PPIE: variants seen among roughly 807,000 people sequenced by gnomAD.
The protein encoded by PPIE is peptidyl-prolyl cis-trans isomerase E.
A neutral mutation model predicts 38.4 loss-of-function variants in PPIE; 20 were observed. The ratio of observed to expected loss-of-function variants is 0.52; its 90% CI spans 0.37 to 0.76. PPIE has a LOEUF of 0.76. PPIE is among the 30% of genes least tolerant of loss of function. PPIE has a pLI of 0.00. For synonymous variants in PPIE, 142 were observed against 135.7 expected, an observed-to-expected ratio of 1.05 and a Z score of -0.32; for missense variants, 322 against 385.8, an observed-to-expected ratio of 0.83 and a Z score of 1.39.
chr1:39,753,341 G>T lies in PPIE; in HGVS notation c.892G>T (p.Gly298Trp), dbSNP rs778524374. Residue 298 changes from glycine (G) to tryptophan (W), a missense_variant, in exon 10 of 10, where the codon GGG becomes TGG. Physicochemically the swap from Gly to Trp is radical, Grantham distance 184. Transcript: ENST00000324379. The stretch of plus-strand genomic sequence containing the variant: ...GCAGAAGGTGATCATCGCCGACTGT[G>T]GGGAGTACGTGTGAGGCGGCACTCT... ...PKQKVIIADC[G>W]EYV 6.2e-7 allele frequency: 1 copy of T among 1,614,152 alleles called. No homozygotes were observed. Among genetic ancestry groups the T allele is most frequent in the South Asian group, 1.1e-5 (1 of 91,078 alleles).
In PPIE at chr1:39,763,390, TC is replaced by T. The variant is rs373720672; in HGVS notation, c.838-295del. On this transcript the variant is annotated intron_variant, in intron 9 of 9. Transcript: ENST00000356511. ...CCCCATATCTTCACTTTGCGTCCCC[TC>T]CCCAGCCGGCCCTCCCCTGCCCACG... is the stretch of plus-strand genomic sequence containing the variant. Among the ~76,000 whole-genome samples, 4 of 144,556 alleles carry T rather than the reference TC, an allele frequency of 2.8e-5. No homozygotes were observed. The East Asian group carries it at 8.0e-4, about 29-fold the overall frequency. The allele number at this position is 144,556 out of a possible 152,430, so 94.8% of individuals were successfully genotyped here. A position where few individuals can be genotyped will look rare whatever the true frequency, so the allele number is the denominator to read the frequency against.
At position 39,756,504 on chromosome 1, in the gene PPIE, G is replaced by A. The variant is rs565433728; in HGVS notation, c.*3149G>A. ...TGTCCTCTCCAACAGCATGACAGCC[G>A]CCTCCAGGTGCTCCCAGCATCTGTT... is the stretch of plus-strand genomic sequence containing the variant. On this transcript the variant is annotated 3_prime_UTR_variant, in exon 10 of 10. Coordinates refer to ENST00000324379, the MANE Select transcript of PPIE (RefSeq NM_006112.4). 2.7e-5 allele frequency: 27 copies of A among 985,416 alleles called. No homozygotes were observed. In the Admixed American group the frequency reaches 3.1e-4, roughly 11 times the overall value. 61.0% of individuals were successfully genotyped at this position (985,416 alleles called of 1,614,324 possible).
At chr1:39,740,076 G>A (rs1179564959) in intron 1 of PPIE, 89 bp from the exon 2 acceptor site, 5 of 954,944 alleles carry the variant, frequency 5.2e-6, no homozygotes, top group Middle Eastern at 4.3e-4. Context: ...GAAGGGTCCT[G>A]TCCCCTGGCT....
Position 39,756,757 on chromosome 1 carries a change from A to G in PPIE, c.*3402A>G, listed in dbSNP as rs1648316062. 3.5e-6 allele frequency: 1 copy of G among 283,872 alleles called. No individual in the cohort carries two copies. 17.6% of individuals were successfully genotyped at this position (283,872 alleles called of 1,614,324 possible). On this transcript the variant is annotated 3_prime_UTR_variant, in exon 10 of 10. Transcript: ENST00000324379. ...AGAAAAAAAGCCTAGAAATAAAGCC[A>G]CAAAAATATTAATAGTGTGTTTATT...
chr1:39,763,269 A>T lies in PPIE; in HGVS notation c.838-420A>T, dbSNP rs1474669683. On this transcript the variant is annotated intron_variant, in intron 9 of 9. Transcript: ENST00000356511. ...TCCCTGAGCCTCAGGGCCCAAACCCATCCTCCAGCCCTGCAGGGCCGTCTC... is the reference window on the plus strand; with the variant it reads ...TCCCTGAGCCTCAGGGCCCAAACCCTTCCTCCAGCCCTGCAGGGCCGTCTC... The T allele has an allele frequency of 2.6e-5, 38 of 1,444,204 alleles. No homozygotes were observed. In the South Asian group the frequency reaches 4.6e-4, roughly 17 times the overall value. The allele number at this position is 1,444,204 out of a possible 1,614,324, so 89.5% of individuals were successfully genotyped here. A position where few individuals can be genotyped will look rare whatever the true frequency, so the allele number is the denominator to read the frequency against.
At chr1:39,750,029 A>G (rs1331260897) in intron 8 of PPIE, among the ~76,000 whole-genome samples, 2 of 152,102 alleles carry the variant, frequency 1.3e-5, no homozygotes, top group Non-Finnish European at 2.9e-5. Flanking sequence ...GCTGCTCGGA[A>G]GGCTGAGGCA....
chr1:39,746,371 G>A (rs752632910), intron 7 of PPIE: 7 of 152,158 alleles, frequency 4.6e-5, no homozygotes, highest in Non-Finnish European at 8.8e-5. Flanking sequence ...ATCCTGCTGG[G>A]GGTTTTGCAT....
At chr1:39,760,336 C>A (rs1019000457), downstream of PPIE, 3 of 1,582,070 alleles carry the variant, frequency 1.9e-6, no homozygotes, top group Non-Finnish European at 2.6e-6. Context: ...GGCCTGGGGT[C>A]TGGCTGGGTT....
chr1:39,760,411 G>A (rs764564197), downstream of PPIE: 50 of 1,613,470 alleles, frequency 3.1e-5, no homozygotes, highest in African/African-American at 6.7e-5. Flanking sequence ...TGGGCCGGGC[G>A]GGTGGACTCA....
chr1:39,756,206 G>C lies in PPIE; in HGVS notation c.*2851G>C, dbSNP rs949073511. On this transcript the variant is annotated 3_prime_UTR_variant, in exon 10 of 10. Transcript: ENST00000324379. ...CTGACCTCTCTGGGAAGTGGAGCCA[G>C]TGGCTCTGTGGGCGTCCTTTCCTGC... 1.0e-6 allele frequency: 1 copy of C among 985,350 alleles called. No individual in the cohort carries two copies. Among genetic ancestry groups the C allele is most frequent in the Non-Finnish European group, 1.2e-6 (1 of 829,942 alleles). 61.0% of individuals were successfully genotyped at this position (985,350 alleles called of 1,614,324 possible). A position where few individuals can be genotyped will look rare whatever the true frequency, so the allele number is the denominator to read the frequency against.
intron 3 of PPIE, 94 bp from the exon 4 acceptor site, chr1:39,741,801 T>A: frequency 1.4e-6 from 2 of 1,420,778 alleles, no homozygotes; most frequent in Middle Eastern, 3.5e-4. Flanking sequence ...AGAGGTGGCA[T>A]TTTTCTGGAT....
Position 39,753,408 on chromosome 1 carries a change from G to A in PPIE, c.*53G>A. On this transcript the variant is annotated 3_prime_UTR_variant, in exon 10 of 10. Transcript: ENST00000324379. The stretch of plus-strand genomic sequence containing the variant: ...GCTCTTGACCCTGCATATCCAGGAA[G>A]GAACTGCCAGCCTCAGAGGAGGCAG... 1 of 1,596,866 alleles carries A rather than the reference G, an allele frequency of 6.3e-7. No individual in the cohort carries two copies. The highest frequency in any genetic ancestry group is 8.5e-7 in the Non-Finnish European group (1 of 1,171,372).
chr1:39,757,594 C>G (rs964645114), downstream of PPIE: 4 of 152,308 alleles, frequency 2.6e-5, no homozygotes, highest in Non-Finnish European at 4.4e-5. Flanking sequence ...TATGCGTCCT[C>G]TCTTCCTGTC....
chr1:39,757,618 T>C (rs1648422105), downstream of PPIE: 1 of 152,308 alleles, frequency 6.6e-6, no homozygotes, highest in South Asian at 2.1e-4. Context: ...TGTCATTGAT[T>C]TCTCATTGCT....
chr1:39,762,695 T>C lies in PPIE; in HGVS notation c.838-994T>C, dbSNP rs1015405304. On this transcript the variant is annotated intron_variant, in intron 9 of 9. Coordinates refer to the PPIE transcript ENST00000356511. Reference sequence around the variant, plus strand: ...ACACCCCACACACTGTGCACACATATCACGGGCGGTCAGACTTGCCAGCGT... The same window carrying C: ...ACACCCCACACACTGTGCACACATACCACGGGCGGTCAGACTTGCCAGCGT... 27 of 1,476,056 alleles carry C rather than the reference T, an allele frequency of 1.8e-5. No individual in the cohort carries two copies. In the African/African-American group the frequency reaches 3.4e-4, roughly 19 times the overall value. The allele number at this position is 1,476,056 out of a possible 1,614,324, so 91.4% of individuals were successfully genotyped here.
chr1:39,747,118 G>A (rs994693693), intron 7 of PPIE: 1 of 152,106 alleles, frequency 6.6e-6, no homozygotes, highest in African/African-American at 2.4e-5. Flanking sequence ...GTTCATCCTT[G>A]TACCATGTAT....
rs140941375 is a variant in PPIE, at chr1:39,762,982, CCT to C, written c.838-706_838-705del. On this transcript the variant is annotated intron_variant, in intron 9 of 9. Transcript: ENST00000356511. The stretch of plus-strand genomic sequence containing the variant: ...GTTACTGACTGTGCAGACAAAGCCC[CCT>C]GAGACGCGGAGCAGGTGGCCTCACT... The C allele has an allele frequency of 5.0e-3, 6,807 of 1,355,722 alleles. 261 individuals carry two copies. In the African/African-American group the frequency reaches 0.087, roughly 17 times the overall value. The allele number at this position is 1,355,722 out of a possible 1,614,324, so 84.0% of individuals were successfully genotyped here.
At position 39,762,425 on chromosome 1, in the gene PPIE, G is replaced by A. The variant is rs565435175; in HGVS notation, c.838-1264G>A. On this transcript the variant is annotated intron_variant, in intron 9 of 9. Coordinates refer to the PPIE transcript ENST00000356511. ...GATTCTAGGTAAAAAGTTCTAGAAG[G>A]AAGCCTCGGTGCCAGAATCCACAAA... 3.5e-6 allele frequency: 5 copies of A among 1,438,860 alleles called. No homozygotes were observed. In the Admixed American group the frequency reaches 1.4e-4, roughly 40 times the overall value. 89.1% of individuals were successfully genotyped at this position (1,438,860 alleles called of 1,614,324 possible).
In PPIE at chr1:39,756,404, A is replaced by G. The variant is rs1648275808; in HGVS notation, c.*3049A>G. On this transcript the variant is annotated 3_prime_UTR_variant, in exon 10 of 10. Coordinates refer to ENST00000324379, the MANE Select transcript of PPIE (RefSeq NM_006112.4). ...AGTTGAGCCCCATCTGAGTCCCCAC[A>G]TGCTGGCCCTGAAACGGTTACAAAG... 8 of 985,232 alleles carry G rather than the reference A, an allele frequency of 8.1e-6. No individual in the cohort carries two copies. The South Asian group carries it at 3.3e-4, about 40-fold the overall frequency. The allele number at this position is 985,232 out of a possible 1,614,324, so 61.0% of individuals were successfully genotyped here. A position where few individuals can be genotyped will look rare whatever the true frequency, so the allele number is the denominator to read the frequency against.
Sources: gnomAD v4.1 joint callset for allele counts (sites outside exome capture counted in the v4.1 genomes callset) on GRCh38, gnomAD v4.1.1 for gene constraint, MANE v1.5 for transcripts, NCBI Gene and HGNC (gene_info 2026-07-23, HGNC 2026-07-21) for gene names.